LRRC4C: variants seen among roughly 807,000 people sequenced by gnomAD.
LRRC4C encodes the protein leucine-rich repeat-containing protein 4C.
Under a neutral mutation model 33.6 loss-of-function variants are expected in LRRC4C, and 5 were observed. The observed-to-expected ratio is 0.15, with a 90% CI of 0.08 to 0.31. The LOEUF is 0.31. Ranked by LOEUF, LRRC4C falls within the 10% of genes least tolerant of loss-of-function variation. The pLI is 1.00. For missense variants in LRRC4C, 560 were observed against 796.7 expected (o/e 0.70, Z 3.58); for synonymous variants, 329 against 302.0 (o/e 1.09, Z -0.93).
intron 3 of LRRC4C, among the ~76,000 whole-genome samples, chr11:40,364,804 G>C (rs2137202670): frequency 6.6e-6 from 1 of 151,884 alleles, no homozygotes; most frequent in South Asian, 2.1e-4. Flanking sequence ...AGCCAAAATA[G>C]ACCCACTCCT....
chr11:41,075,400 G>T (rs1045715347), intron 1 of LRRC4C, among the ~76,000 whole-genome samples: 2 of 152,054 alleles, frequency 1.3e-5, no homozygotes, highest in Non-Finnish European at 2.9e-5. Context: ...TAATAGTCAG[G>T]CTTTATTAAG....
chr11:40,219,032 C>T (rs1864211388), intron 5 of LRRC4C, among the ~76,000 whole-genome samples: 1 of 152,148 alleles, frequency 6.6e-6, no homozygotes, highest in East Asian at 1.9e-4. Context: ...TTTGACCACT[C>T]TATTTATAAT....
chr11:40,317,820 C>A (rs983408477), intron 4 of LRRC4C, among the ~76,000 whole-genome samples: 3 of 152,056 alleles, frequency 2.0e-5, no homozygotes, highest in African/African-American at 7.2e-5. Flanking sequence ...CCATTCCATT[C>A]TTAAGAGGAA....
intron 3 of LRRC4C, among the ~76,000 whole-genome samples, chr11:40,356,898 A>G (rs113138267): frequency 4.6e-5 from 7 of 152,282 alleles, no homozygotes; most frequent in South Asian, 2.1e-4. Flanking sequence ...TACACCAACC[A>G]TTAGAAGAAA....
At chr11:41,039,269 T>G (rs1390684758) in intron 1 of LRRC4C, among the ~76,000 whole-genome samples, 1 of 152,168 alleles carries the variant, frequency 6.6e-6, no homozygotes, top group Non-Finnish European at 1.5e-5. Flanking sequence ...CTTCTTGTTT[T>G]GTTTCATTTC....
chr11:41,202,184 A>G (rs1387360492), intron 1 of LRRC4C, among the ~76,000 whole-genome samples: 2 of 152,180 alleles, frequency 1.3e-5, no homozygotes, highest in African/African-American at 2.4e-5. Context: ...GCTGATGGAA[A>G]GCCCCCAAAT....
At chr11:41,327,167 GC>G (rs1215480179) in intron 1 of LRRC4C, among the ~76,000 whole-genome samples, 1 of 152,092 alleles carries the variant, frequency 6.6e-6, no homozygotes, top group Admixed American at 6.5e-5. Flanking sequence ...GGAGAAGGCA[GC>G]CCACCTTTTT....
intron 1 of LRRC4C, among the ~76,000 whole-genome samples, chr11:41,126,198 A>G (rs1038296503): frequency 7.9e-5 from 12 of 152,052 alleles, no homozygotes; most frequent in Admixed American, 7.9e-4. Flanking sequence ...AAATTAAATT[A>G]AATTAAATTT....
chr11:41,149,802 G>A (rs1398727820), intron 1 of LRRC4C, among the ~76,000 whole-genome samples: 1 of 152,102 alleles, frequency 6.6e-6, no homozygotes, highest in Admixed American at 6.5e-5. Context: ...GCAAACAGGA[G>A]TTAAGAGTAG....
intron 1 of LRRC4C, among the ~76,000 whole-genome samples, chr11:41,411,107 T>C (rs568534641): frequency 2.7e-5 from 4 of 150,098 alleles, no homozygotes; most frequent in Non-Finnish European, 4.4e-5. Flanking sequence ...GTTTATGCAC[T>C]TGCTTTTAGA....
At chr11:40,193,721 G>C (rs143063288) in intron 5 of LRRC4C, among the ~76,000 whole-genome samples, 27 of 152,224 alleles carry the variant, frequency 1.8e-4, no homozygotes, top group Non-Finnish European at 3.8e-4. Context: ...TGAGGTTACA[G>C]GAACTGCTAA....
chr11:40,552,796 A>G (rs1051855516), intron 3 of LRRC4C, among the ~76,000 whole-genome samples: 3 of 152,132 alleles, frequency 2.0e-5, no homozygotes, highest in African/African-American at 4.8e-5. Flanking sequence ...ACCCTTTTTC[A>G]TTCTTCAAAA....
At chr11:41,404,827 TG>T (rs1954168614) in intron 1 of LRRC4C, among the ~76,000 whole-genome samples, 7 of 152,064 alleles carry the variant, frequency 4.6e-5, no homozygotes, top group Non-Finnish European at 8.8e-5. Context: ...TAAGTGGCCA[TG>T]ATTTTAAAAA....
At chr11:40,275,878 G>A (rs886158469) in intron 4 of LRRC4C, among the ~76,000 whole-genome samples, 2 of 152,160 alleles carry the variant, frequency 1.3e-5, no homozygotes, top group Non-Finnish European at 2.9e-5. Flanking sequence ...TGAAGGTGAG[G>A]ACCCAGAGGT....
chr11:40,565,274 C>T (rs895560620), intron 3 of LRRC4C, among the ~76,000 whole-genome samples: 14 of 152,068 alleles, frequency 9.2e-5, no homozygotes, highest in East Asian at 1.9e-4. Context: ...TGGCTGCTAT[C>T]GGGGGCAGTG....
At chr11:41,178,368 T>G (rs1384277688) in intron 1 of LRRC4C, among the ~76,000 whole-genome samples, 1 of 152,168 alleles carries the variant, frequency 6.6e-6, no homozygotes, top group Non-Finnish European at 1.5e-5. Flanking sequence ...TGTTGTTGTT[T>G]TTTATTTTTG....
chr11:40,465,616 C>A (rs1296651587), intron 3 of LRRC4C, among the ~76,000 whole-genome samples: 1 of 151,822 alleles, frequency 6.6e-6, no homozygotes, highest in African/African-American at 2.4e-5. Context: ...AAAAAAATAA[C>A]CCCATCAAAA....
intron 3 of LRRC4C, among the ~76,000 whole-genome samples, chr11:40,549,950 A>G (rs1251234248): frequency 6.6e-6 from 1 of 152,128 alleles, no homozygotes; most frequent in Non-Finnish European, 1.5e-5. Context: ...TGTTATATGA[A>G]AATGTTAACT....
Position 40,733,441 on chromosome 11 carries a change from A to G in LRRC4C, c.-406-85163T>C, listed in dbSNP as rs187242460. On this transcript the variant is annotated intron_variant, in intron 2 of 6. Transcript: ENST00000528697. ...TTATACAATCCTCAGAACTATAAAA[A>G]CATATTTGTTAAATCTGTCAATTTT... Among the ~76,000 whole-genome samples, 32 of 152,150 alleles carry G rather than the reference A, an allele frequency of 2.1e-4. 1 individual carries two copies. The highest frequency in any genetic ancestry group is 1.5e-3 in the Admixed American group (23 of 15,276).
Sources: allele counts gnomAD v4.1 joint callset (sites outside exome capture counted in the v4.1 genomes callset), GRCh38; gene constraint gnomAD v4.1.1; transcripts MANE v1.5; gene names NCBI Gene and HGNC (gene_info 2026-07-23, HGNC 2026-07-21).